The following PPARGC1A variants were observed in gnomAD, a reference collection of about 807,000 sequenced individuals.
The protein encoded by PPARGC1A is PPARG coactivator 1 alpha, also known as peroxisome proliferator-activated receptor gamma coactivator 1-alpha.
A neutral mutation model predicts 88.7 loss-of-function variants in PPARGC1A; 25 were observed. The observed-to-expected ratio is 0.28, with a 90% CI of 0.21 to 0.39. The LOEUF is 0.39. PPARGC1A is among the 10% of genes least tolerant of loss of function. The probability of loss-of-function intolerance (pLI) is 1.00; values close to 1 mark genes in which losing one functional copy is unlikely to be tolerated. For missense variants in PPARGC1A, 880 were observed against 968.7 expected, an observed-to-expected ratio of 0.91 and a Z score of 1.22; for synonymous variants, 363 against 355.6, an observed-to-expected ratio of 1.02 and a Z score of -0.24.
chr4:24,382,775 A>G, the PPARGC1A span, among the ~76,000 whole-genome samples: 1 of 152,344 alleles, frequency 6.6e-6, no homozygotes, highest in Non-Finnish European at 1.5e-5. Context: ...TCCCTGGGAC[A>G]GAGCACCTGG....
chr4:24,150,489 A>G, the PPARGC1A span, among the ~76,000 whole-genome samples: 1 of 152,168 alleles, frequency 6.6e-6, no homozygotes, highest in Non-Finnish European at 1.5e-5. Flanking sequence ...AAACCTTCAC[A>G]TTAAAACTAG....
chr4:24,019,977 G>C, the PPARGC1A span, among the ~76,000 whole-genome samples: 170 of 152,240 alleles, frequency 1.1e-3, no homozygotes, highest in African/African-American at 3.8e-3. Context: ...TGAGCAACTG[G>C]CTAATCAGCA....
chr4:24,387,800 G>GAA, the PPARGC1A span, among the ~76,000 whole-genome samples: 2 of 107,282 alleles, frequency 1.9e-5, no homozygotes, highest in Non-Finnish European at 4.1e-5. Flanking sequence ...AAGAAAGAAA[G>GAA]AAAGAAAGAA....
chr4:23,873,221 A>AAAAAAAAAAAAAG (rs1297257881), intron 2 of PPARGC1A, among the ~76,000 whole-genome samples: 5 of 142,340 alleles, frequency 3.5e-5, no homozygotes, highest in African/African-American at 8.1e-5. Flanking sequence ...AAAAAATAAA[A>AAAAAAAAAAAAAG]AATAAAGAAA....
the PPARGC1A span, among the ~76,000 whole-genome samples, chr4:23,966,010 A>G: frequency 1.3e-5 from 2 of 152,174 alleles, no homozygotes; most frequent in African/African-American, 4.8e-5. Context: ...AGAGGAAATT[A>G]CCCACCATTT....
At chr4:24,143,628 AGATAGAT>A in the PPARGC1A span, among the ~76,000 whole-genome samples, 5 of 151,208 alleles carry the variant, frequency 3.3e-5, no homozygotes, top group East Asian at 1.9e-4. Context: ...ATAGATAGAT[AGATAGAT>A]GATAGATGAT....
At chr4:24,255,750 A>G in the PPARGC1A span, among the ~76,000 whole-genome samples, 1 of 152,202 alleles carries the variant, frequency 6.6e-6, no homozygotes, top group Non-Finnish European at 1.5e-5. Context: ...AGGAAAACAA[A>G]CCCTGGACCC....
the PPARGC1A span, among the ~76,000 whole-genome samples, chr4:24,039,470 C>A: frequency 6.6e-6 from 1 of 152,188 alleles, no homozygotes; most frequent in East Asian, 1.9e-4. Flanking sequence ...TTTAAGGCTA[C>A]AAAGAATCTT....
chr4:24,465,421 C>T, the PPARGC1A span, among the ~76,000 whole-genome samples: 2 of 152,110 alleles, frequency 1.3e-5, no homozygotes, highest in South Asian at 2.1e-4. Flanking sequence ...AGTCACACTG[C>T]CTTCTAGAGT....
At chr4:23,851,739 TTTTA>T (rs1729331477) in intron 2 of PPARGC1A, among the ~76,000 whole-genome samples, 3 of 152,300 alleles carry the variant, frequency 2.0e-5, no homozygotes, top group South Asian at 2.1e-4. Flanking sequence ...GAGTGAACCT[TTTTA>T]TTGTCTCATG....
chr4:24,231,406 A>G, the PPARGC1A span, among the ~76,000 whole-genome samples: 10 of 152,260 alleles, frequency 6.6e-5, no homozygotes, highest in East Asian at 1.9e-4. Context: ...AGCGTTTCCA[A>G]TGGATGTAAG....
chr4:24,303,658 C>T, the PPARGC1A span, among the ~76,000 whole-genome samples: 3 of 150,202 alleles, frequency 2.0e-5, no homozygotes, highest in African/African-American at 7.4e-5. Flanking sequence ...AGCAGGTAAC[C>T]ATTTTTGATT....
At chr4:24,171,763 A>G in the PPARGC1A span, among the ~76,000 whole-genome samples, 8 of 152,230 alleles carry the variant, frequency 5.3e-5, no homozygotes, top group Non-Finnish European at 1.0e-4. Flanking sequence ...ATGGCATTCC[A>G]TTTTATGGTA....
At chr4:24,351,368 T>G in the PPARGC1A span, among the ~76,000 whole-genome samples, 12 of 150,078 alleles carry the variant, frequency 8.0e-5, no homozygotes, top group South Asian at 4.2e-4. Flanking sequence ...CTGTTCCAGC[T>G]TGGACAACAG....
the PPARGC1A span, among the ~76,000 whole-genome samples, chr4:24,084,865 T>C: frequency 6.6e-6 from 1 of 152,116 alleles, no homozygotes; most frequent in Non-Finnish European, 1.5e-5. Flanking sequence ...GATGTAACAA[T>C]AGAAGAAAAA....
chr4:23,885,840 T>C (rs1459772880), intron 1 of PPARGC1A, among the ~76,000 whole-genome samples: 1 of 152,226 alleles, frequency 6.6e-6, no homozygotes, highest in Admixed American at 6.5e-5. Context: ...TTTCTACATA[T>C]TGAGAGGTTT....
the PPARGC1A span, among the ~76,000 whole-genome samples, chr4:24,196,341 C>T: frequency 6.6e-6 from 1 of 152,218 alleles, no homozygotes; most frequent in Non-Finnish European, 1.5e-5. Flanking sequence ...ACACACAGCC[C>T]ACCTTTTATT....
chr4:23,864,386 T>C (rs1731775991), intron 2 of PPARGC1A, among the ~76,000 whole-genome samples: 1 of 152,212 alleles, frequency 6.6e-6, no homozygotes, highest in African/African-American at 2.4e-5. Context: ...GTAATTATCA[T>C]GGTTTCCGGC....
chr4:23,855,611 C>T (rs548774228), intron 2 of PPARGC1A, among the ~76,000 whole-genome samples: 10 of 152,128 alleles, frequency 6.6e-5, no homozygotes, highest in South Asian at 2.1e-4. Context: ...TAATAAGCAC[C>T]GACTATATTT....
Sources: allele counts gnomAD v4.1 joint callset (sites outside exome capture counted in the v4.1 genomes callset), GRCh38; gene constraint gnomAD v4.1.1; transcripts MANE v1.5; gene names NCBI Gene and HGNC (gene_info 2026-07-23, HGNC 2026-07-21).